DNAH7: variants seen among roughly 807,000 people sequenced by gnomAD.
DNAH7 encodes axonemal beta dynein heavy chain 7.
DNAH7 carries 397 observed loss-of-function variants against 444.6 expected under a neutral mutation model. The ratio of observed to expected loss-of-function variants is 0.89; its 90% CI spans 0.82 to 0.97. The LOEUF is 0.97. Ranked by LOEUF, DNAH7 falls within the 50% of genes least tolerant of loss-of-function variation. The pLI, the probability that DNAH7 is intolerant of heterozygous loss-of-function variation, is 0.00. For missense variants in DNAH7, 4,902 were observed against 4,800.8 expected, an observed-to-expected ratio of 1.02 and a Z score of -0.62; for synonymous variants, 1,636 against 1,624.4, an observed-to-expected ratio of 1.01 and a Z score of -0.17.
chr2:195,849,762 C>A (rs113290827), intron 46 of DNAH7, among the ~76,000 whole-genome samples: 7 of 151,896 alleles, frequency 4.6e-5, no homozygotes, highest in South Asian at 2.1e-4. Context: ...CCACCATGCC[C>A]GGATAATTTT....
intron 36 of DNAH7, among the ~76,000 whole-genome samples, chr2:195,878,428 A>C (rs1574645022): frequency 6.6e-6 from 1 of 151,884 alleles, no homozygotes; most frequent in East Asian, 1.9e-4. Flanking sequence ...GCCACATAGC[A>C]AGATCCCACT....
At chr2:195,763,169 T>C (rs1350666723) in intron 61 of DNAH7, among the ~76,000 whole-genome samples, 4 of 152,078 alleles carry the variant, frequency 2.6e-5, no homozygotes, top group African/African-American at 7.2e-5. Context: ...CACATGATAA[T>C]GGAAATGCAA....
intron 63 of DNAH7, among the ~76,000 whole-genome samples, chr2:195,749,264 A>G (rs1365303309): frequency 2.0e-5 from 3 of 152,176 alleles, no homozygotes; most frequent in African/African-American, 7.2e-5. Flanking sequence ...GAGAAATGCA[A>G]ATCAAAACCA....
At chr2:195,947,643 A>G (rs1192181584) in intron 19 of DNAH7, among the ~76,000 whole-genome samples, 1 of 151,982 alleles carries the variant, frequency 6.6e-6, no homozygotes, top group Admixed American at 6.6e-5. Context: ...TTATGGCTGC[A>G]TATTATTCCA....
chr2:196,020,157 C>T lies in DNAH7; in HGVS notation c.744-862G>A, dbSNP rs1331196364. 2.0e-5 allele frequency among the ~76,000 whole-genome samples: 3 copies of T among 151,124 alleles called. No individual in the cohort carries two copies. In the East Asian group the frequency reaches 5.8e-4, roughly 29 times the overall value. On this transcript the variant is annotated intron_variant, in intron 8 of 64. Transcript: ENST00000312428. ...TATTGTAAGAATTCAGTATATAATACATATAACACATAAAATATGTTTTAA... is the reference window on the plus strand; with the variant it reads ...TATTGTAAGAATTCAGTATATAATATATATAACACATAAAATATGTTTTAA...
chr2:195,741,074 T>G, intron 63 of DNAH7: 1 of 261,582 alleles, frequency 3.8e-6, no homozygotes, highest in East Asian at 6.7e-5. Flanking sequence ...AATAAGACAA[T>G]AGTAAAATTA....
intron 39 of DNAH7, among the ~76,000 whole-genome samples, chr2:195,873,262 T>C (rs1700826094): frequency 6.6e-6 from 1 of 152,208 alleles, no homozygotes; most frequent in African/African-American, 2.4e-5. Context: ...AGAACTCAAG[T>C]TCTACTAGAG....
intron 5 of DNAH7, among the ~76,000 whole-genome samples, chr2:196,028,851 T>C (rs1009334779): frequency 6.6e-6 from 1 of 152,220 alleles, no homozygotes; most frequent in Non-Finnish European, 1.5e-5. Flanking sequence ...GTTCATTGAG[T>C]ATATCTGAGA....
intron 19 of DNAH7, among the ~76,000 whole-genome samples, chr2:195,942,027 C>T (rs543484734): frequency 3.6e-4 from 55 of 152,136 alleles, no homozygotes; most frequent in African/African-American, 1.2e-3. Flanking sequence ...TGGGTGACAA[C>T]AGTGGACAAA....
At chr2:195,738,950 T>C (rs530311870) in intron 64 of DNAH7, among the ~76,000 whole-genome samples, 8 of 152,280 alleles carry the variant, frequency 5.3e-5, no homozygotes, top group African/African-American at 1.4e-4. Context: ...AACTGTGGAA[T>C]CCAGATTTTC....
At chr2:195,743,136 T>G (rs918966798) in intron 63 of DNAH7, among the ~76,000 whole-genome samples, 38 of 152,338 alleles carry the variant, frequency 2.5e-4, no homozygotes, top group African/African-American at 9.1e-4. Flanking sequence ...CTCCAAGTTC[T>G]TTGGCTTTTG....
Position 195,743,138 on chromosome 2 carries a change from T to C in DNAH7, c.11765-2269A>G, listed in dbSNP as rs535154193. Among the ~76,000 whole-genome samples, 5 of 152,332 alleles carry C rather than the reference T, an allele frequency of 3.3e-5. No individual in the cohort carries two copies. The South Asian group carries it at 1.0e-3, about 32-fold the overall frequency. On this transcript the variant is annotated intron_variant, in intron 63 of 64. Coordinates refer to ENST00000312428, the MANE Select transcript of DNAH7 (RefSeq NM_018897.3). ...CTTAAACATCAGCCTCCAAGTTCTT[T>C]GGCTTTTGGACTTTCGGACTTACTC... is the stretch of plus-strand genomic sequence containing the variant.
intron 63 of DNAH7, among the ~76,000 whole-genome samples, chr2:195,750,897 T>C (rs1693760909): frequency 6.6e-6 from 1 of 152,210 alleles, no homozygotes; most frequent in South Asian, 2.1e-4. Flanking sequence ...CCAAATTATT[T>C]ATCCTTCCAG....
At chr2:196,048,452 A>G in intron 3 of DNAH7, 48 bp from the exon 4 acceptor site, 1 of 1,525,576 alleles carries the variant, frequency 6.6e-7, no homozygotes, top group Non-Finnish European at 9.0e-7. Context: ...TCAGAAAAAA[A>G]CCTTTTTCCA....
At chr2:195,941,677 T>C (rs1689460175) in intron 19 of DNAH7, among the ~76,000 whole-genome samples, 1 of 152,132 alleles carries the variant, frequency 6.6e-6, no homozygotes, top group Non-Finnish European at 1.5e-5. Context: ...AATTTCCTAA[T>C]GCAAAATCCC....
In DNAH7 at chr2:195,960,328, A is replaced by G; in HGVS notation, c.2823T>C (p.Asp941=). 6.2e-7 allele frequency: 1 copy of G among 1,613,962 alleles called. No homozygotes were observed. The highest frequency in any genetic ancestry group is 8.5e-7 in the Non-Finnish European group (1 of 1,180,022). Residue 941 remains aspartate (D), a synonymous_variant, in exon 18 of 65, where the codon GAT becomes GAC. Transcript: ENST00000312428. ...TAGTTTGTGTTTTAATAATATGGTC[A>G]TCCAACAACATCTGAATTTCATCAA... ...ASVDEIQMLL[D]DHIIKTQTMR...
chr2:195,822,169 T>C (rs552834184), intron 49 of DNAH7, among the ~76,000 whole-genome samples: 4 of 152,334 alleles, frequency 2.6e-5, no homozygotes, highest in South Asian at 2.1e-4. Context: ...CATTTATTCA[T>C]GGAAAAAGTA....
intron 51 of DNAH7, among the ~76,000 whole-genome samples, chr2:195,815,298 A>G (rs1005454030): frequency 3.9e-5 from 6 of 152,006 alleles, no homozygotes; most frequent in Non-Finnish European, 5.9e-5. Context: ...ATTTCTTCCA[A>G]AAAAAATTAC....
At chr2:196,012,691 C>T in intron 10 of DNAH7, 96 bp downstream of exon 10, 6 of 1,249,820 alleles carry the variant, frequency 4.8e-6, no homozygotes, top group Non-Finnish European at 6.7e-6. Flanking sequence ...TGATTTAAAA[C>T]ATTAAAATTG....
Sources: gnomAD v4.1 joint callset for allele counts (sites outside exome capture counted in the v4.1 genomes callset) on GRCh38, gnomAD v4.1.1 for gene constraint, MANE v1.5 for transcripts, NCBI Gene and HGNC (gene_info 2026-07-23, HGNC 2026-07-21) for gene names.